Variants in RXRA observed in about 807,000 individuals in gnomAD.
RXRA encodes the protein retinoid X receptor alpha.
In RXRA, 5 loss-of-function variants were observed where a neutral mutation model predicts 44.5. That is an observed-to-expected ratio of 0.11 (90% CI 0.06 to 0.24). The LOEUF is 0.24. RXRA is among the 10% of genes least tolerant of loss of function. The pLI is 1.00. For missense variants in RXRA, 412 were observed against 646.5 expected (o/e 0.64, Z 3.93); for synonymous variants, 291 against 271.4 (o/e 1.07, Z -0.71).
At position 134,408,928 on chromosome 9, in the gene RXRA, C is replaced by T. The variant is rs759389747; in HGVS notation, c.431-12C>T. 1.1e-5 allele frequency: 17 copies of T among 1,525,434 alleles called. No homozygotes were observed. The East Asian group carries it at 4.0e-4, about 36-fold the overall frequency. 94.5% of individuals were successfully genotyped at this position (1,525,434 alleles called of 1,614,324 possible). A position where few individuals can be genotyped will look rare whatever the true frequency, so the allele number is the denominator to read the frequency against. On this transcript the variant is annotated splice_polypyrimidine_tract_variant and intron_variant, in intron 3 of 9. Coordinates refer to ENST00000481739, the MANE Select transcript of RXRA (RefSeq NM_002957.6). ...TGGGTGCTCCCCAGCCCTGCTCTGC[C>T]CTGTCCCGCAGGCAAGCACTATGGA...
chr9:134,330,531 C>T (rs1366149892), intron 1 of RXRA, among the ~76,000 whole-genome samples: 2 of 152,168 alleles, frequency 1.3e-5, no homozygotes, highest in African/African-American at 2.4e-5. Context: ...AGAGGGGTCA[C>T]CCTCCTCCCC....
At chr9:134,420,904 A>G (rs1300920027) in intron 5 of RXRA, among the ~76,000 whole-genome samples, 1 of 152,124 alleles carries the variant, frequency 6.6e-6, no homozygotes, top group Non-Finnish European at 1.5e-5. Flanking sequence ...GGAGCCGTGA[A>G]TGCTGCTCTC....
intron 1 of RXRA, among the ~76,000 whole-genome samples, chr9:134,337,666 G>C (rs1830027058): frequency 6.6e-6 from 1 of 152,136 alleles, no homozygotes; most frequent in Non-Finnish European, 1.5e-5. Flanking sequence ...GGGTCATGAA[G>C]GATGCGTAGG....
At chr9:134,372,782 G>A (rs997504593) in intron 1 of RXRA, among the ~76,000 whole-genome samples, 1 of 152,216 alleles carries the variant, frequency 6.6e-6, no homozygotes, top group Admixed American at 6.5e-5. Flanking sequence ...GTGCTCCTGT[G>A]GGGCAGGCGA....
At chr9:134,384,255 A>G (rs1284777422) in intron 1 of RXRA, among the ~76,000 whole-genome samples, 1 of 151,538 alleles carries the variant, frequency 6.6e-6, no homozygotes, top group African/African-American at 2.4e-5. Context: ...CTTCAGTGTC[A>G]CCCCTCGGGA....
intron 1 of RXRA, among the ~76,000 whole-genome samples, chr9:134,370,089 C>T (rs1231453829): frequency 6.6e-6 from 1 of 152,200 alleles, no homozygotes; most frequent in Non-Finnish European, 1.5e-5. Context: ...TGGGGGCCCA[C>T]TGCCTGACTC....
intron 9 of RXRA, among the ~76,000 whole-genome samples, chr9:134,435,279 C>A (rs932233447): frequency 6.6e-6 from 1 of 152,218 alleles, no homozygotes; most frequent in African/African-American, 2.4e-5. Context: ...CACGGCCAGC[C>A]GGAAGGGACA....
intron 9 of RXRA, 77 bp downstream of exon 9, chr9:134,434,284 T>C: frequency 9.4e-7 from 1 of 1,060,926 alleles, no homozygotes; most frequent in Non-Finnish European, 1.4e-6. Context: ...GCAAGGCCAT[T>C]TTATGTGAAT....
intron 6 of RXRA, chr9:134,422,355 C>G (rs1231724051): frequency 5.5e-6 from 7 of 1,276,510 alleles, no homozygotes; most frequent in Admixed American, 2.4e-5. Context: ...TCCCGGGACA[C>G]ACTCCCCGCT....
intron 9 of RXRA, among the ~76,000 whole-genome samples, chr9:134,434,864 G>C (rs1028107974): frequency 1.3e-5 from 2 of 151,448 alleles, no homozygotes; most frequent in African/African-American, 4.9e-5. Flanking sequence ...TGTGGGGCGG[G>C]GAGGGGGTCG....
rs193205689 is a variant in RXRA, at chr9:134,374,298, G to A, written c.29-27334G>A. ...GGAGCTTGAGCCTGGGTGGTGGTTG[G>A]CACTCACCACCTGTGGGATGGATGA... On this transcript the variant is annotated intron_variant, in intron 1 of 9. Coordinates refer to ENST00000481739, the MANE Select transcript of RXRA (RefSeq NM_002957.6). Among the ~76,000 whole-genome samples the A allele has an allele frequency of 1.7e-3, 255 of 152,356 alleles. 2 individuals are homozygous for A. Among genetic ancestry groups the A allele is most frequent in the African/African-American group, 5.4e-3 (226 of 41,588 alleles).
At chr9:134,428,595 G>T (rs960773999) in intron 6 of RXRA, among the ~76,000 whole-genome samples, 17 of 151,882 alleles carry the variant, frequency 1.1e-4, no homozygotes, top group Admixed American at 3.3e-4. Flanking sequence ...CTATGTTGAG[G>T]GGCTGCTGTT....
chr9:134,431,685 C>T (rs1831534194), intron 7 of RXRA, among the ~76,000 whole-genome samples: 1 of 152,160 alleles, frequency 6.6e-6, no homozygotes, highest in African/African-American at 2.4e-5. Flanking sequence ...GAGGAGCCCA[C>T]CCTCCGGGCA....
chr9:134,342,933 T>C lies in RXRA; in HGVS notation c.28+16274T>C, dbSNP rs10881581. On this transcript the variant is annotated intron_variant, in intron 1 of 9. Transcript: ENST00000481739. The surrounding 1 kb of genome is among the most constrained non-coding windows in gnomAD (Gnocchi z 4.4). The stretch of plus-strand genomic sequence containing the variant: ...TGCGGATGCAGGCACGTGTGGGTGC[T>C]GGGGATTGTCTGGTAATCCTTTGAT... Among the ~76,000 whole-genome samples the C allele has an allele frequency of 0.38, 58,367 of 152,000 alleles. 12,671 individuals are homozygous for C. Among genetic ancestry groups the C allele is most frequent in the African/African-American group, 0.59 (24,562 of 41,430 alleles).
chr9:134,398,305 C>T (rs576340781), intron 1 of RXRA, among the ~76,000 whole-genome samples: 14 of 152,282 alleles, frequency 9.2e-5, no homozygotes, highest in African/African-American at 2.6e-4. Flanking sequence ...TTAAGAATAA[C>T]GCCTATGGTA....
intron 1 of RXRA, among the ~76,000 whole-genome samples, chr9:134,336,265 G>A (rs1163838293): frequency 6.6e-6 from 1 of 152,178 alleles, no homozygotes; most frequent in Non-Finnish European, 1.5e-5. Flanking sequence ...TGGGCACAAG[G>A]TCAGAGCCAT....
At chr9:134,336,368 C>T (rs1830005188) in intron 1 of RXRA, among the ~76,000 whole-genome samples, 1 of 152,212 alleles carries the variant, frequency 6.6e-6, no homozygotes, top group South Asian at 2.1e-4. Flanking sequence ...GGTCTCCAGG[C>T]CCCTGCAGAC....
At chr9:134,382,231 G>A (rs1348203063) in intron 1 of RXRA, among the ~76,000 whole-genome samples, 1 of 152,186 alleles carries the variant, frequency 6.6e-6, no homozygotes, top group East Asian at 1.9e-4. Context: ...TGCCCCTGTG[G>A]CCGGCCGCAT....
intron 4 of RXRA, among the ~76,000 whole-genome samples, chr9:134,411,968 A>G (rs1831156366): frequency 6.6e-6 from 1 of 152,114 alleles, no homozygotes; most frequent in African/African-American, 2.4e-5. Flanking sequence ...CCCACGTGGA[A>G]ACGGTGGCTG....
Sources: gnomAD v4.1 joint callset for allele counts (sites outside exome capture counted in the v4.1 genomes callset) on GRCh38, gnomAD v4.1.1 for gene constraint, Gnocchi (gnomAD v3.1) non-coding constraint, MANE v1.5 for transcripts, NCBI Gene and HGNC (gene_info 2026-07-23, HGNC 2026-07-21) for gene names.